The following TRERF1 variants were observed in gnomAD, a reference collection of about 807,000 sequenced individuals.
TRERF1 encodes transcriptional regulating factor 1, also known as transcriptional-regulating factor 1.
A neutral mutation model predicts 122.9 loss-of-function variants in TRERF1; 27 were observed. The observed-to-expected ratio is 0.22, with a 90% CI of 0.16 to 0.30. TRERF1 has a LOEUF of 0.30. Among genes scored for constraint, TRERF1 ranks in the 10% least tolerant of loss-of-function variants. The probability of loss-of-function intolerance (pLI) is 1.00; values close to 1 mark genes in which losing one functional copy is unlikely to be tolerated. For missense variants in TRERF1, 1,248 were observed against 1,560.3 expected, an observed-to-expected ratio of 0.80 and a Z score of 3.37; for synonymous variants, 636 against 641.7, an observed-to-expected ratio of 0.99 and a Z score of 0.13.
chr6:42,271,861 A>G (rs561925514), intron 4 of TRERF1, among the ~76,000 whole-genome samples: 2 of 152,324 alleles, frequency 1.3e-5, no homozygotes, highest in East Asian at 3.9e-4. Flanking sequence ...AAAAAGTTCC[A>G]AGCATAAAAA....
At chr6:42,406,436 G>A (rs1237400649) in intron 2 of TRERF1, among the ~76,000 whole-genome samples, 2 of 152,162 alleles carry the variant, frequency 1.3e-5, no homozygotes, top group Non-Finnish European at 2.9e-5. Flanking sequence ...CACAGGCAGA[G>A]CAGGCAGAGG....
At chr6:42,352,162 C>A (rs1769584966) in intron 3 of TRERF1, among the ~76,000 whole-genome samples, 1 of 152,080 alleles carries the variant, frequency 6.6e-6, no homozygotes, top group South Asian at 2.1e-4. Flanking sequence ...ACACCCATGC[C>A]TGGCTAATTT....
At position 42,276,486 on chromosome 6, in the gene TRERF1, C is replaced by T. The variant is rs888014322; in HGVS notation, c.-258-6638G>A. On this transcript the variant is annotated intron_variant, in intron 4 of 17. Transcript: ENST00000372922. This position sits in a 1 kb window ranked among gnomAD's most constrained non-coding sequence, Gnocchi z 4.3. ...TCTGTCAAGGAAGCTTCACTCGACT[C>T]CCCTGGGGCTCCTCTTAGTCCAGCT... Among the ~76,000 whole-genome samples the T allele has an allele frequency of 1.5e-4, 23 of 152,328 alleles. 1 individual carries two copies. Among genetic ancestry groups the T allele is most frequent in the Non-Finnish European group, 2.5e-4 (17 of 68,024 alleles).
At chr6:42,233,416 G>A (rs1771138435) in intron 16 of TRERF1, among the ~76,000 whole-genome samples, 1 of 151,500 alleles carries the variant, frequency 6.6e-6, no homozygotes, top group Non-Finnish European at 1.5e-5. Flanking sequence ...CTCCCGAGTA[G>A]CTGGGACTAC....
chr6:42,375,281 T>C (rs1334249914), intron 2 of TRERF1, among the ~76,000 whole-genome samples: 1 of 152,080 alleles, frequency 6.6e-6, no homozygotes, highest in African/African-American at 2.4e-5. Flanking sequence ...AAGCCCGAAA[T>C]CCAAGAGATC....
chr6:42,235,446 T>C (rs11966865), intron 16 of TRERF1, among the ~76,000 whole-genome samples: 5,007 of 152,262 alleles, frequency 0.033, 298 homozygotes, highest in African/African-American at 0.11. Flanking sequence ...TTAAAATACA[T>C]ATGGAGCCTT....
In TRERF1 at chr6:42,255,487, T is replaced by G. The variant is rs558666645; in HGVS notation, c.2581-561A>C. On this transcript the variant is annotated intron_variant, in intron 12 of 17. Transcript: ENST00000372922. ...GGCAGAGCAGGGCCTAGAATCTTGCTACTCTAAGTGTGGTCCATAGAACAG... is the reference window on the plus strand; with the variant it reads ...GGCAGAGCAGGGCCTAGAATCTTGCGACTCTAAGTGTGGTCCATAGAACAG... Among the ~76,000 whole-genome samples, 6 of 152,358 alleles carry G rather than the reference T, an allele frequency of 3.9e-5. No homozygotes were observed. The East Asian group carries it at 7.7e-4, about 20-fold the overall frequency.
chr6:42,384,209 G>A (rs260236), intron 2 of TRERF1, among the ~76,000 whole-genome samples: 31,504 of 152,020 alleles, frequency 0.21, 6,790 homozygotes, highest in African/African-American at 0.55. Context: ...AGGATTGGAA[G>A]TAACTACAAT....
At chr6:42,238,358 G>T (rs7742263) in intron 15 of TRERF1, among the ~76,000 whole-genome samples, 2 of 152,162 alleles carry the variant, frequency 1.3e-5, no homozygotes, top group Non-Finnish European at 2.9e-5. Flanking sequence ...ACTGTACCAT[G>T]ATTATGTATG....
chr6:42,425,182 T>C (rs887922409), intron 2 of TRERF1, among the ~76,000 whole-genome samples: 4 of 152,194 alleles, frequency 2.6e-5, no homozygotes, highest in South Asian at 2.1e-4. Flanking sequence ...TTAGCCATGC[T>C]TCCTCAAAAA....
chr6:42,294,622 C>A (rs1377701962), intron 4 of TRERF1, among the ~76,000 whole-genome samples: 1 of 152,162 alleles, frequency 6.6e-6, no homozygotes, highest in Non-Finnish European at 1.5e-5. Flanking sequence ...TGATGTAGAG[C>A]ATATTTCCAC....
intron 3 of TRERF1, among the ~76,000 whole-genome samples, chr6:42,353,094 C>T (rs927405932): frequency 6.6e-6 from 1 of 152,090 alleles, no homozygotes; most frequent in African/African-American, 2.4e-5. Context: ...GGGCTTGAGC[C>T]CAGGAGTTCG....
chr6:42,428,144 C>T (rs539593192), intron 2 of TRERF1, among the ~76,000 whole-genome samples: 1 of 152,308 alleles, frequency 6.6e-6, no homozygotes, highest in Non-Finnish European at 1.5e-5. Context: ...GCCTTATATT[C>T]TAAGCAACTA....
At chr6:42,244,674 T>A (rs1046512358) in intron 14 of TRERF1, among the ~76,000 whole-genome samples, 1 of 152,338 alleles carries the variant, frequency 6.6e-6, no homozygotes, top group South Asian at 2.1e-4. Flanking sequence ...AGCAGCTGCT[T>A]TTTCATTTAA....
At chr6:42,305,154 C>T (rs1786960156) in intron 3 of TRERF1, among the ~76,000 whole-genome samples, 3 of 152,180 alleles carry the variant, frequency 2.0e-5, no homozygotes, top group Admixed American at 1.3e-4. Context: ...ATGCCTTGCC[C>T]AAGGCCACAG....
At chr6:42,397,975 C>T (rs1301896746) in intron 2 of TRERF1, among the ~76,000 whole-genome samples, 1 of 152,176 alleles carries the variant, frequency 6.6e-6, no homozygotes, top group Non-Finnish European at 1.5e-5. Context: ...TTTTCACAAG[C>T]ATTCCCACCG....
chr6:42,370,878 C>T (rs1773639415), intron 2 of TRERF1, among the ~76,000 whole-genome samples: 1 of 152,212 alleles, frequency 6.6e-6, no homozygotes, highest in Admixed American at 6.5e-5. Context: ...GATCCACTAT[C>T]CTCTCCTGAG....
chr6:42,235,719 G>T (rs941394077), intron 16 of TRERF1, among the ~76,000 whole-genome samples: 1 of 152,042 alleles, frequency 6.6e-6, no homozygotes, highest in African/African-American at 2.4e-5. Context: ...GTGACATTTC[G>T]ATTAGTAACA....
At chr6:42,284,653 G>T (rs1272024297) in intron 4 of TRERF1, among the ~76,000 whole-genome samples, 1 of 152,194 alleles carries the variant, frequency 6.6e-6, no homozygotes, top group Non-Finnish European at 1.5e-5. Flanking sequence ...CACAGCCCGT[G>T]ACTACATTTG....
Sources: gnomAD v4.1 joint callset for allele counts (sites outside exome capture counted in the v4.1 genomes callset) on GRCh38, gnomAD v4.1.1 for gene constraint, Gnocchi (gnomAD v3.1) non-coding constraint, MANE v1.5 for transcripts, NCBI Gene and HGNC (gene_info 2026-07-23, HGNC 2026-07-21) for gene names.